The following RET variants were observed in gnomAD, a reference collection of about 807,000 sequenced individuals.
RET encodes proto-oncogene tyrosine-protein kinase receptor Ret.
Under a neutral mutation model 118.3 loss-of-function variants are expected in RET, and 19 were observed. The observed-to-expected ratio is 0.16, with a 90% CI of 0.11 to 0.24. RET has a LOEUF of 0.24. RET is among the 10% of genes least tolerant of loss of function. The pLI, the probability that RET is intolerant of heterozygous loss-of-function variation, is 1.00. For missense variants in RET, 1,219 were observed against 1,502.1 expected (o/e 0.81, Z 3.12); for synonymous variants, 597 against 644.1 (o/e 0.93, Z 1.11).
At chr10:43,095,004 G>C (rs964041638) in intron 1 of RET, among the ~76,000 whole-genome samples, 2 of 152,126 alleles carry the variant, frequency 1.3e-5, no homozygotes, top group Non-Finnish European at 2.9e-5. Context: ...GAGGCACTAA[G>C]CTGTGATGAA....
At chr10:43,083,136 A>G (rs1056998274) in intron 1 of RET, among the ~76,000 whole-genome samples, 13 of 152,178 alleles carry the variant, frequency 8.5e-5, no homozygotes, top group African/African-American at 2.9e-4. Context: ...GCTTGGTGAC[A>G]TGGGCACATT....
chr10:43,112,007 A>G lies in RET; in HGVS notation c.1523-92A>G, dbSNP rs1837945796. On this transcript the variant is annotated intron_variant, in intron 7 of 19. Transcript: ENST00000355710. ...GTCCCCTTGGGCTCCATCCGTGGGCAGCTCAGCTGGTGCTGTTCCCTGTCC... is the reference window on the plus strand; with the variant it reads ...GTCCCCTTGGGCTCCATCCGTGGGCGGCTCAGCTGGTGCTGTTCCCTGTCC... The G allele has an allele frequency of 2.0e-6, 3 of 1,523,190 alleles. No individual in the cohort carries two copies. The Admixed American group carries it at 5.9e-5, about 30-fold the overall frequency. 94.4% of individuals were successfully genotyped at this position (1,523,190 alleles called of 1,614,324 possible).
At chr10:43,087,699 T>A (rs1480311109) in intron 1 of RET, among the ~76,000 whole-genome samples, 1 of 152,234 alleles carries the variant, frequency 6.6e-6, no homozygotes, top group Non-Finnish European at 1.5e-5. Context: ...ACACCTGCTC[T>A]TTATGCCAGG....
chr10:43,121,563 G>A (rs140262956), intron 15 of RET, among the ~76,000 whole-genome samples: 367 of 152,308 alleles, frequency 2.4e-3, no homozygotes, highest in African/African-American at 8.3e-3. Context: ...CTGGCAAAGT[G>A]CCCAACATGG....
At chr10:43,117,426 G>A (rs1838098589) in intron 12 of RET, among the ~76,000 whole-genome samples, 1 of 152,236 alleles carries the variant, frequency 6.6e-6, no homozygotes, top group Admixed American at 6.5e-5. Context: ...GATTTCCATT[G>A]CAGCCATGCA....
chr10:43,079,516 T>A (rs959557147), intron 1 of RET, among the ~76,000 whole-genome samples: 1 of 152,246 alleles, frequency 6.6e-6, no homozygotes, highest in Non-Finnish European at 1.5e-5. Context: ...GCTGTCCCCG[T>A]TGCTTGGATG....
At chr10:43,102,312 T>C (rs780587490) in intron 2 of RET, 30 bp from the exon 3 acceptor site, 1 of 1,612,158 alleles carries the variant, frequency 6.2e-7, no homozygotes, top group African/African-American at 1.3e-5. Flanking sequence ...ATGTGGCCGA[T>C]GCCCCCACAG....
chr10:43,104,827 G>A, intron 3 of RET, 125 bp from the exon 4 acceptor site: 5 of 1,404,892 alleles, frequency 3.6e-6, no homozygotes, highest in Non-Finnish European at 4.8e-6. Context: ...TGGAGCGGAG[G>A]AGGGGAGGCC....
intron 1 of RET, among the ~76,000 whole-genome samples, chr10:43,084,976 G>C (rs1280671905): frequency 1.3e-5 from 2 of 152,208 alleles, no homozygotes; most frequent in Non-Finnish European, 2.9e-5. Flanking sequence ...TAACCAGGCT[G>C]ATAATCGGAT....
intron 9 of RET, 70 bp downstream of exon 9, chr10:43,113,033 C>G: frequency 1.5e-6 from 2 of 1,315,808 alleles, no homozygotes; most frequent in Non-Finnish European, 2.2e-6. Context: ...CCCACAGGCA[C>G]TTCAGCCAGA....
At chr10:43,127,843 G>A (rs574863274) in intron 19 of RET, among the ~76,000 whole-genome samples, 82 of 152,168 alleles carry the variant, frequency 5.4e-4, no homozygotes, top group African/African-American at 1.2e-4. Flanking sequence ...TAAGCAGTTC[G>A]ACAAATATAC....
At position 43,081,110 on chromosome 10, in the gene RET, C is replaced by A. The variant is rs866086256; in HGVS notation, c.73+3779C>A. ...GCAAAGCAGGGTGCAGCCCCCCATG[C>A]TCCCTGCTGCCCTCCTCCCCTCCTG... On this transcript the variant is annotated intron_variant, in intron 1 of 19. Transcript: ENST00000355710. 5.9e-5 allele frequency among the ~76,000 whole-genome samples: 9 copies of A among 152,078 alleles called. No individual in the cohort carries two copies. The South Asian group carries it at 1.0e-3, about 17-fold the overall frequency.
rs1838229727 is a variant in RET, at chr10:43,122,026, G to T, written c.2801+10G>T. ...CCACGCAAAGTGATGTGTAAGTGTG[G>T]GTGTTGCTCTCTTGGGGTGGAGGTT... On this transcript the variant is annotated intron_variant, in intron 16 of 19. Coordinates refer to ENST00000355710, the MANE Select transcript of RET (RefSeq NM_020975.6). The T allele has an allele frequency of 6.2e-7, 1 of 1,610,002 alleles. No homozygotes were observed. Among genetic ancestry groups the T allele is most frequent in the Non-Finnish European group, 8.5e-7 (1 of 1,176,386 alleles).
intron 1 of RET, among the ~76,000 whole-genome samples, chr10:43,081,190 C>T (rs1023911871): frequency 5.3e-5 from 8 of 151,360 alleles, no homozygotes; most frequent in African/African-American, 1.4e-4. Flanking sequence ...GGGCCCCCCC[C>T]ATCCCCCCTT....
chr10:43,088,041 T>G (rs1564485064), intron 1 of RET, among the ~76,000 whole-genome samples: 1 of 151,286 alleles, frequency 6.6e-6, no homozygotes. Flanking sequence ...GAGTGGTGGT[T>G]GTGGTGGTGG....
chr10:43,077,392 G>T, intron 1 of RET, 61 bp downstream of exon 1: 1 of 1,471,216 alleles, frequency 6.8e-7, no homozygotes, highest in South Asian at 1.3e-5. Context: ...CCGAGCAGCG[G>T]AGCGGGCGCG....
intron 5 of RET, among the ~76,000 whole-genome samples, chr10:43,107,559 T>TCACACACACACACA (rs59876947): frequency 8.5e-5 from 12 of 140,730 alleles, no homozygotes; most frequent in Non-Finnish European, 1.7e-4. Flanking sequence ...CCCCCATGCC[T>TCACACACACACACA]CACACACACA....
chr10:43,122,062 C>T (rs552613663), intron 16 of RET, 46 bp downstream of exon 16: 1 of 1,482,530 alleles, frequency 6.7e-7, no homozygotes, highest in Non-Finnish European at 9.4e-7. Context: ...ACAGAAACAC[C>T]CTTATACATG....
At chr10:43,116,311 G>A (rs979285291) in intron 11 of RET, among the ~76,000 whole-genome samples, 10 of 152,216 alleles carry the variant, frequency 6.6e-5, no homozygotes, top group African/African-American at 2.4e-4. Context: ...CAGGGGTCAG[G>A]GGAGACAGTA....
Sources: allele counts gnomAD v4.1 joint callset (sites outside exome capture counted in the v4.1 genomes callset), GRCh38; gene constraint gnomAD v4.1.1; transcripts MANE v1.5; gene names NCBI Gene and HGNC (gene_info 2026-07-23, HGNC 2026-07-21).